The following RP1 variants were observed in gnomAD, a reference collection of about 807,000 sequenced individuals.
RP1 encodes the protein RP1 axonemal microtubule associated.
A neutral mutation model predicts 14.8 loss-of-function variants in RP1; 16 were observed. That is an observed-to-expected ratio of 1.08 (90% CI 0.73 to 1.65). The LOEUF (loss-of-function observed/expected upper bound fraction) is 1.65. Ranked by LOEUF, RP1 falls within the 40% of genes most tolerant of loss-of-function variation. RP1 has a pLI of 0.00. For missense variants in RP1, 2,631 were observed against 2,535.0 expected, an observed-to-expected ratio of 1.04 and a Z score of -0.81; for synonymous variants, 876 against 883.6, an observed-to-expected ratio of 0.99 and a Z score of 0.15.
chr8:54,769,446 A>G (rs1809846468), intron 22 of RP1, among the ~76,000 whole-genome samples: 1 of 151,992 alleles, frequency 6.6e-6, no homozygotes, highest in Admixed American at 6.6e-5. Context: ...AGTTGCTTTT[A>G]CAGGTGATAG....
At chr8:54,852,115 G>T (rs1020754077) in intron 25 of RP1, among the ~76,000 whole-genome samples, 26 of 150,310 alleles carry the variant, frequency 1.7e-4, no homozygotes, top group Admixed American at 1.1e-3. Context: ...TAGGATCTTT[G>T]TTTTTTTTTC....
At chr8:54,634,913 C>G (rs1806318704), downstream of RP1, among the ~76,000 whole-genome samples, 1 of 152,036 alleles carries the variant, frequency 6.6e-6, no homozygotes, top group South Asian at 2.1e-4. Flanking sequence ...AACTCCATCT[C>G]TACTAAAAAT....
intron 23 of RP1, among the ~76,000 whole-genome samples, chr8:54,783,293 C>A (rs1384759836): frequency 6.6e-6 from 1 of 152,128 alleles, no homozygotes; most frequent in Non-Finnish European, 1.5e-5. Context: ...CCTCCAACTC[C>A]ATTGTTTTGC....
intron 16 of RP1, among the ~76,000 whole-genome samples, chr8:54,722,339 C>T (rs1273984019): frequency 2.0e-5 from 3 of 150,738 alleles, no homozygotes; most frequent in East Asian, 3.9e-4. Flanking sequence ...GGCGCTATCT[C>T]GGCTCACTGC....
At chr8:54,723,521 C>T (rs1350181750) in intron 16 of RP1, among the ~76,000 whole-genome samples, 1 of 152,158 alleles carries the variant, frequency 6.6e-6, no homozygotes, top group Non-Finnish European at 1.5e-5. Flanking sequence ...AAAACCTCTT[C>T]ACTCTCTATT....
chr8:54,737,457 C>A (rs1048410773), intron 18 of RP1, among the ~76,000 whole-genome samples: 8 of 152,134 alleles, frequency 5.3e-5, no homozygotes, highest in African/African-American at 1.9e-4. Context: ...ATTCTTGGGA[C>A]AATGAAAGGA....
chr8:54,611,220 T>A (rs1805583556), upstream of RP1, among the ~76,000 whole-genome samples: 2 of 152,236 alleles, frequency 1.3e-5, no homozygotes, highest in Non-Finnish European at 2.9e-5. Flanking sequence ...ACTTTTGAAT[T>A]TGTAGATTCA....
At chr8:54,612,919 T>C (rs1374015497), upstream of RP1, among the ~76,000 whole-genome samples, 2 of 152,246 alleles carry the variant, frequency 1.3e-5, no homozygotes, top group African/African-American at 4.8e-5. Context: ...CCCTGACCTC[T>C]ACCACTGCCA....
At chr8:54,665,288 A>T (rs1806992687) in intron 7 of RP1, among the ~76,000 whole-genome samples, 1 of 152,138 alleles carries the variant, frequency 6.6e-6, no homozygotes, top group Non-Finnish European at 1.5e-5. Flanking sequence ...TAGATAAGAC[A>T]GCCACCTCTC....
At chr8:54,762,432 G>T (rs562139163) in intron 22 of RP1, among the ~76,000 whole-genome samples, 1 of 152,208 alleles carries the variant, frequency 6.6e-6, no homozygotes, top group African/African-American at 2.4e-5. Flanking sequence ...GAACACCCAC[G>T]TCCTTATGGC....
intron 24 of RP1, among the ~76,000 whole-genome samples, chr8:54,833,933 G>C (rs1811597699): frequency 1.3e-5 from 2 of 151,264 alleles, no homozygotes; most frequent in African/African-American, 4.9e-5. Flanking sequence ...AGAGAACGAA[G>C]GAAACACATG....
intron 26 of RP1, among the ~76,000 whole-genome samples, chr8:54,856,856 G>C (rs1585751831): frequency 6.6e-6 from 1 of 152,058 alleles, no homozygotes; most frequent in African/African-American, 2.4e-5. Flanking sequence ...ACATGTTTTT[G>C]TGTCTCTCAC....
chr8:54,627,209 A>G lies in RP1; in HGVS notation c.3327A>G (p.Pro1109=), dbSNP rs1265937800. Residue 1109 remains proline, a synonymous_variant, in exon 4 of 4, where the codon CCA becomes CCG. Transcript: ENST00000220676. ...CTCAGAATGGAGTTGTTCAAATGCC[A>G]GGTTCACTTGCAGGTGTTCCCTTTC... ...HKTQNGVVQM[P]GSLAGVPFHS... is the part of the protein sequence containing the mutation. 6.2e-7 allele frequency: 1 copy of G among 1,614,080 alleles called. No homozygotes were observed. The highest frequency in any genetic ancestry group is 2.2e-5 in the East Asian group (1 of 44,884).
In RP1 at chr8:54,627,426, G is replaced by A. The variant is rs1410457483; in HGVS notation, c.3544G>A (p.Ala1182Thr). Reference sequence around the variant, plus strand: ...AGAGGAAGCTGATGACTTGAAAGCTGCTGTTGCCAATTTAGTGGAGTCAAC... The same window carrying A: ...AGAGGAAGCTGATGACTTGAAAGCTACTGTTGCCAATTTAGTGGAGTCAAC... ...ITEEADDLKA[A>T]VANLVESTTS... Residue 1182 changes from alanine to threonine, a missense_variant, in exon 4 of 4, where the codon GCT becomes ACT. Physicochemically the swap from Ala to Thr is moderately conservative, Grantham distance 58 (BLOSUM62 0). Transcript: ENST00000220676. 6.2e-6 allele frequency: 10 copies of A among 1,614,170 alleles called. No individual in the cohort carries two copies. The East Asian group carries it at 2.0e-4, about 32-fold the overall frequency.
At position 54,626,302 on chromosome 8, in the gene RP1, C is replaced by T. The variant is rs1297254555; in HGVS notation, c.2420C>T (p.Ser807Phe). Reference protein sequence around the residue: ...QRDKVFPHNESKYCKSTFENK... With the variant: ...QRDKVFPHNEFKYCKSTFENK... ...GATAAAGTGTTTCCTCACAATGAAT[C>T]TAAATATTGCAAAAGTACTTTTGAA... Residue 807 changes from serine to phenylalanine, a missense_variant, in exon 4 of 4, where the codon TCT (serine) becomes TTT (phenylalanine). By Grantham distance (155) the Ser-to-Phe change is radical (BLOSUM62 -2). Coordinates refer to ENST00000220676, the MANE Select transcript of RP1 (RefSeq NM_006269.2). 6.2e-7 allele frequency: 1 copy of T among 1,613,322 alleles called. No individual in the cohort carries two copies. Among genetic ancestry groups the T allele is most frequent in the Admixed American group, 1.7e-5 (1 of 59,988 alleles).
chr8:54,712,406 T>G (rs1217545665), intron 15 of RP1, among the ~76,000 whole-genome samples: 1 of 152,154 alleles, frequency 6.6e-6, no homozygotes, highest in East Asian at 1.9e-4. Context: ...TCCAGAGCTG[T>G]GGTGTCCTAG....
chr8:54,653,302 T>C (rs928262518), intron 5 of RP1, among the ~76,000 whole-genome samples: 1 of 152,152 alleles, frequency 6.6e-6, no homozygotes, highest in Admixed American at 6.5e-5. Context: ...ATTTTTAAGA[T>C]TAAAAAAAGG....
intron 27 of RP1, among the ~76,000 whole-genome samples, chr8:54,862,970 A>G (rs1812378517): frequency 6.7e-6 from 1 of 150,344 alleles, no homozygotes; most frequent in Non-Finnish European, 1.5e-5. Context: ...AGAGTATAGT[A>G]TAATTTTTAA....
intron 22 of RP1, chr8:54,769,727 C>G: frequency 4.0e-6 from 6 of 1,488,268 alleles, no homozygotes; most frequent in Non-Finnish European, 5.4e-6. Context: ...TTCTCTCTCT[C>G]TCTTTTTCCT....
Sources: allele counts gnomAD v4.1 joint callset (sites outside exome capture counted in the v4.1 genomes callset), GRCh38; gene constraint gnomAD v4.1.1; transcripts MANE v1.5; gene names NCBI Gene and HGNC (gene_info 2026-07-23, HGNC 2026-07-21).